Variants in PRDM14 observed in about 807,000 individuals in gnomAD.
PRDM14 encodes the protein PR domain zinc finger protein 14.
In PRDM14, 16 loss-of-function variants were observed where a neutral mutation model predicts 48.0. The observed-to-expected ratio is 0.33, with a 90% CI of 0.23 to 0.51. PRDM14 has a LOEUF of 0.51. Among genes scored for constraint, PRDM14 ranks in the 20% least tolerant of loss-of-function variants. The pLI, the probability that PRDM14 is intolerant of heterozygous loss-of-function variation, is 0.97. For synonymous variants in PRDM14, 264 were observed against 276.6 expected (o/e 0.95, Z 0.45); for missense variants, 566 against 719.6 (o/e 0.79, Z 2.44).
In PRDM14 at chr8:70,066,432, T is replaced by C. The variant is rs770524130; in HGVS notation, c.986A>G (p.Asn329Ser). ...CTGCTCCTTGGGGAAGCGGGCACAG[T>C]TGACATAGGACATCCAGTTCCCCGT... ...GGTGNWMSYVNCARFPKEQNL... is the reference protein window; with the variant it reads ...GGTGNWMSYVSCARFPKEQNL... The change falls in exon 5 of 8, where the codon AAC becomes AGC. Residue 329 changes from asparagine (N) to serine (S), a missense_variant. Asn to Ser is a conservative substitution (Grantham distance 46). Coordinates refer to ENST00000276594, the MANE Select transcript of PRDM14 (RefSeq NM_024504.4). 3.7e-6 allele frequency: 6 copies of C among 1,614,190 alleles called. No individual in the cohort carries two copies. In the South Asian group the frequency reaches 4.4e-5, roughly 12 times the overall value.
In PRDM14 at chr8:70,069,665, T is replaced by TGGCGGGGGCAGCAGACGC; in HGVS notation, c.178_195dup (p.Ala60_Ala65dup). On this transcript the variant is annotated inframe_insertion, in exon 2 of 8. Coordinates refer to ENST00000276594, the MANE Select transcript of PRDM14 (RefSeq NM_024504.4). ...GCCATCCGGAAGGGGAAGGGGGGCATGGCGGGGGCAGCAGACGCTGCGGCC... is the reference window on the plus strand; with the variant it reads ...GCCATCCGGAAGGGGAAGGGGGGCATGGCGGGGGCAGCAGACGCGGCGGGGGCAGCAGACGCTGCGGCC... 6.5e-7 allele frequency: 1 copy of TGGCGGGGGCAGCAGACGC among 1,542,124 alleles called. No individual in the cohort carries two copies. Among genetic ancestry groups the TGGCGGGGGCAGCAGACGC allele is most frequent in the Non-Finnish European group, 8.7e-7 (1 of 1,144,964 alleles).
At chr8:70,053,773 A>G (rs1585646348) in intron 7 of PRDM14, among the ~76,000 whole-genome samples, 1 of 152,274 alleles carries the variant, frequency 6.6e-6, no homozygotes, top group East Asian at 1.9e-4. Context: ...GGTAGACTCA[A>G]TGTTTTATTC....
chr8:70,052,269 G>T lies in PRDM14; in HGVS notation c.1524C>A (p.Ile508=). The part of the protein sequence containing the change: ...FTASSILRTH[I]RQHSGEKPFK... Reference sequence around the variant, plus strand: ...AGGGCTTCTCCCCGGAGTGCTGCCTGATGTGTGTGCGGAGTATGCTGGAGG... The same window carrying T: ...AGGGCTTCTCCCCGGAGTGCTGCCTTATGTGTGTGCGGAGTATGCTGGAGG... Residue 508 remains isoleucine (I), a synonymous_variant, in exon 8 of 8, where the codon ATC becomes ATA. Transcript: ENST00000276594. 1 of 1,614,160 alleles carries T rather than the reference G, an allele frequency of 6.2e-7. No homozygotes were observed. The highest frequency in any genetic ancestry group is 1.7e-5 in the Admixed American group (1 of 60,022).
At chr8:70,053,098 TAA>T (rs71275048) in intron 7 of PRDM14, among the ~76,000 whole-genome samples, 5 of 82,170 alleles carry the variant, frequency 6.1e-5, no homozygotes, top group Admixed American at 1.7e-4. Context: ...ACCCTCTCTT[TAA>T]AAAAAAAAAA....
chr8:70,062,533 G>A (rs1476698854), intron 5 of PRDM14, among the ~76,000 whole-genome samples: 1 of 148,898 alleles, frequency 6.7e-6, no homozygotes, highest in Non-Finnish European at 1.5e-5. Context: ...ACGGAATCTT[G>A]CTCGGTCTGC....
intron 6 of PRDM14, among the ~76,000 whole-genome samples, chr8:70,058,087 G>A (rs1409567868): frequency 6.6e-6 from 1 of 152,142 alleles, no homozygotes; most frequent in African/African-American, 2.4e-5. Flanking sequence ...CCAGGTATTT[G>A]GAATGGCTCC....
intron 5 of PRDM14, among the ~76,000 whole-genome samples, chr8:70,060,765 A>G (rs933376421): frequency 5.9e-5 from 9 of 152,200 alleles, no homozygotes; most frequent in African/African-American, 2.2e-4. Context: ...TGAGGCACTG[A>G]GGCCGACCTA....
At chr8:70,061,984 A>G (rs1185469276) in intron 5 of PRDM14, among the ~76,000 whole-genome samples, 3 of 152,150 alleles carry the variant, frequency 2.0e-5, no homozygotes, top group Non-Finnish European at 4.4e-5. Flanking sequence ...CCCACCAAAA[A>G]GCCTTTGGGG....
At chr8:70,062,730 C>A (rs1419320797) in intron 5 of PRDM14, among the ~76,000 whole-genome samples, 1 of 152,042 alleles carries the variant, frequency 6.6e-6, no homozygotes, top group Non-Finnish European at 1.5e-5. Context: ...CCTCCCAAAG[C>A]GCTGGGATTA....
Position 70,058,623 on chromosome 8 carries a change from G to A in PRDM14, c.1386+17C>T. On this transcript the variant is annotated intron_variant, in intron 6 of 7. Coordinates refer to ENST00000276594, the MANE Select transcript of PRDM14 (RefSeq NM_024504.4). ...GAGAGAACGTGATGGTGGGTCATGT[G>A]TCCTCCTAATACTCACCTTGTGAGG... 1 of 1,608,984 alleles carries A rather than the reference G, an allele frequency of 6.2e-7. No individual in the cohort carries two copies. The highest frequency in any genetic ancestry group is 8.5e-7 in the Non-Finnish European group (1 of 1,176,522).
chr8:70,053,952 A>T (rs1259439275), intron 7 of PRDM14, among the ~76,000 whole-genome samples: 2 of 152,210 alleles, frequency 1.3e-5, no homozygotes, highest in African/African-American at 2.4e-5. Flanking sequence ...CCATCTTGGA[A>T]ATCAATGGCC....
At chr8:70,064,366 T>A (rs1171791841) in intron 5 of PRDM14, among the ~76,000 whole-genome samples, 1 of 152,086 alleles carries the variant, frequency 6.6e-6, no homozygotes, top group Non-Finnish European at 1.5e-5. Context: ...TTATTTCATC[T>A]CATCCCTAAG....
chr8:70,052,821 C>T (rs928267907), intron 7 of PRDM14, among the ~76,000 whole-genome samples: 2 of 127,930 alleles, frequency 1.6e-5, no homozygotes, highest in African/African-American at 2.9e-5. Context: ...GCCGTTATTG[C>T]ACCACTGTAC....
At chr8:70,061,723 A>T (rs1413085232) in intron 5 of PRDM14, among the ~76,000 whole-genome samples, 1 of 152,206 alleles carries the variant, frequency 6.6e-6, no homozygotes, top group East Asian at 1.9e-4. Flanking sequence ...AGTTCGCTTA[A>T]GAACAACCAC....
At chr8:70,052,375 G>C (rs991647127) in intron 7 of PRDM14, 71 bp from the exon 8 acceptor site, 5 of 1,271,834 alleles carry the variant, frequency 3.9e-6, no homozygotes, top group Middle Eastern at 2.6e-4. Context: ...ATTAAACTAA[G>C]GGGTAAATTT....
At chr8:70,063,435 A>G (rs544849100) in intron 5 of PRDM14, among the ~76,000 whole-genome samples, 24 of 152,136 alleles carry the variant, frequency 1.6e-4, no homozygotes, top group Non-Finnish European at 2.9e-4. Flanking sequence ...CCCTATCTCA[A>G]AAAATAATAA....
intron 5 of PRDM14, among the ~76,000 whole-genome samples, chr8:70,064,045 GAT>G (rs1001818047): frequency 1.3e-5 from 2 of 152,116 alleles, no homozygotes; most frequent in African/African-American, 4.8e-5. Context: ...CCTGTATGCA[GAT>G]ATCAGAGGCG....
At chr8:70,065,962 TTTCTTTTAC>T (rs1259493609) in intron 5 of PRDM14, among the ~76,000 whole-genome samples, 1 of 152,158 alleles carries the variant, frequency 6.6e-6, no homozygotes, top group Non-Finnish European at 1.5e-5. Context: ...TTTAGTACGT[TTTCTTTTAC>T]TCTTGGGGTG....
intron 4 of PRDM14, 83 bp from the exon 5 acceptor site, chr8:70,066,588 T>A: frequency 9.5e-7 from 1 of 1,047,176 alleles, no homozygotes; most frequent in Admixed American, 2.3e-5. Context: ...ACTTGTAACC[T>A]AAATATCACA....
Sources: allele counts gnomAD v4.1 joint callset (sites outside exome capture counted in the v4.1 genomes callset), GRCh38; gene constraint gnomAD v4.1.1; transcripts MANE v1.5; gene names NCBI Gene and HGNC (gene_info 2026-07-23, HGNC 2026-07-21).